The following CFHR4 variants were observed in gnomAD, a reference collection of about 807,000 sequenced individuals.
CFHR4 encodes the protein complement factor H related 4, also known as complement factor H-related protein 4.
Under a neutral mutation model 69.3 loss-of-function variants are expected in CFHR4, and 64 were observed. That is an observed-to-expected ratio of 0.92 (90% CI 0.76 to 1.14). The LOEUF is 1.14. Among genes scored for constraint, CFHR4 ranks in the 50% most tolerant of loss-of-function variants. The pLI, the probability that CFHR4 is intolerant of heterozygous loss-of-function variation, is 0.00. For synonymous variants in CFHR4, 244 were observed against 237.0 expected (o/e 1.03, Z -0.27); for missense variants, 636 against 684.9 (o/e 0.93, Z 0.80).
chr1:196,911,239 G>A (rs1180287955), intron 6 of CFHR4, among the ~76,000 whole-genome samples: 1 of 151,422 alleles, frequency 6.6e-6, no homozygotes, highest in African/African-American at 2.4e-5. Context: ...AAATGTGTCT[G>A]AATACATTTA....
At chr1:196,905,722 G>C (rs372616762) in intron 3 of CFHR4, among the ~76,000 whole-genome samples, 1 of 151,468 alleles carries the variant, frequency 6.6e-6, no homozygotes, top group Admixed American at 6.6e-5. Context: ...GTTTCTGCTA[G>C]CATCAGGAAA....
At chr1:196,905,369 G>A (rs1306625424) in intron 3 of CFHR4, 79 bp downstream of exon 3, 1 of 1,558,998 alleles carries the variant, frequency 6.4e-7, no homozygotes, top group African/African-American at 1.4e-5. Flanking sequence ...TACAGAAAAA[G>A]ATAGAAAACA....
chr1:196,907,690 G>T (rs1657991014), intron 5 of CFHR4, among the ~76,000 whole-genome samples, 192 bp downstream of exon 5: 1 of 151,326 alleles, frequency 6.6e-6, no homozygotes, highest in South Asian at 2.1e-4. Context: ...CAATGACAAA[G>T]TTTCCTTTTA....
At chr1:196,891,332 A>T (rs547936578) in intron 1 of CFHR4, among the ~76,000 whole-genome samples, 1 of 151,652 alleles carries the variant, frequency 6.6e-6, no homozygotes, top group South Asian at 2.1e-4. Context: ...AATCATAAGA[A>T]AATGTAAGAG....
chr1:196,893,531 C>A (rs1657139183), intron 1 of CFHR4, among the ~76,000 whole-genome samples: 1 of 151,520 alleles, frequency 6.6e-6, no homozygotes, highest in South Asian at 2.1e-4. Context: ...CTGCAATTAT[C>A]TTTTGAGTTG....
chr1:196,895,566 A>AT (rs1171872533), intron 1 of CFHR4, among the ~76,000 whole-genome samples: 4 of 149,620 alleles, frequency 2.7e-5, no homozygotes, highest in Non-Finnish European at 5.9e-5. Flanking sequence ...CTCTTTTTTG[A>AT]TTTTTTTCCT....
chr1:196,888,395 G>GA lies in CFHR4; in HGVS notation c.58+193dup, dbSNP rs1005622720. ...ATGAAAAAATATCTCATAATTTAAA[G>GA]AAAAAATGAATAATATTTTCTTTGT... is the stretch of plus-strand genomic sequence containing the variant. On this transcript the variant is annotated intron_variant, in intron 1 of 9. Transcript: ENST00000608469. Among the ~76,000 whole-genome samples the GA allele has an allele frequency of 9.9e-5, 15 of 151,048 alleles. 1 individual carries two copies. Among genetic ancestry groups the GA allele is most frequent in the African/African-American group, 3.2e-4 (13 of 41,094 alleles).
At chr1:196,905,674 A>G (rs1657870234) in intron 3 of CFHR4, among the ~76,000 whole-genome samples, 1 of 151,442 alleles carries the variant, frequency 6.6e-6, no homozygotes, top group African/African-American at 2.4e-5. Flanking sequence ...CACTCTTAAG[A>G]TGTACATGTT....
rs539756329 is a variant in CFHR4, at chr1:196,915,698, G to A, written c.1540+560G>A. On this transcript the variant is annotated intron_variant, in intron 9 of 9. Transcript: ENST00000608469. ...AAACAGAAGAAGAAGAAAAGAAAAA[G>A]AGAAAAAGAAAAAACCAAGAATGTT... 3.5e-4 allele frequency among the ~76,000 whole-genome samples: 53 copies of A among 151,246 alleles called. 1 individual carries two copies. The highest frequency in any genetic ancestry group is 1.3e-3 in the African/African-American group (52 of 41,182).
At chr1:196,907,844 C>T (rs577544383) in intron 5 of CFHR4, among the ~76,000 whole-genome samples, 1 of 151,420 alleles carries the variant, frequency 6.6e-6, no homozygotes, top group East Asian at 1.9e-4. Flanking sequence ...CTTAGGTAAA[C>T]AGTTTTCAAA....
At chr1:196,902,039 C>T (rs1447302090) in intron 1 of CFHR4, among the ~76,000 whole-genome samples, 1 of 151,392 alleles carries the variant, frequency 6.6e-6, no homozygotes, top group Non-Finnish European at 1.5e-5. Flanking sequence ...TACTATCTCC[C>T]ACTCTAGAGT....
In CFHR4 at chr1:196,914,511, T is replaced by G. The variant is rs1345316019; in HGVS notation, c.1197T>G (p.Pro399=). 3 of 1,606,324 alleles carry G rather than the reference T, an allele frequency of 1.9e-6. No homozygotes were observed. The highest frequency in any genetic ancestry group is 2.5e-6 in the Non-Finnish European group (3 of 1,177,122). ...QPICIKFCDM[P]VFENSRAKSN... Reference sequence around the variant, plus strand: ...TTGTTTCAGAATTTTGTGATATGCCTGTTTTTGAGAATTCCAGAGCCAAGA... The same window carrying G: ...TTGTTTCAGAATTTTGTGATATGCCGGTTTTTGAGAATTCCAGAGCCAAGA... The change falls in exon 8 of 10, where the codon CCT becomes CCG. Residue 399 remains proline, a synonymous_variant. Transcript: ENST00000608469.
intron 1 of CFHR4, among the ~76,000 whole-genome samples, chr1:196,890,008 A>G (rs373113004): frequency 6.6e-6 from 1 of 151,680 alleles, no homozygotes. Flanking sequence ...AAGAAAATAA[A>G]TTTCTATGAA....
chr1:196,899,670 T>C (rs1423809393), intron 1 of CFHR4, among the ~76,000 whole-genome samples: 1 of 151,588 alleles, frequency 6.6e-6, no homozygotes, highest in Non-Finnish European at 1.5e-5. Context: ...AACTATAAGG[T>C]AAATAAATAA....
At chr1:196,897,049 G>C (rs938295282) in intron 1 of CFHR4, among the ~76,000 whole-genome samples, 2 of 151,398 alleles carry the variant, frequency 1.3e-5, no homozygotes, top group African/African-American at 4.9e-5. Flanking sequence ...CCATTGAGTC[G>C]TTCTGAGAAG....
Position 196,910,794 on chromosome 1 carries a change from C to T in CFHR4, c.997+316C>T, listed in dbSNP as rs529389903. Among the ~76,000 whole-genome samples the T allele has an allele frequency of 6.6e-5, 10 of 151,556 alleles. 1 individual carries two copies. The highest frequency in any genetic ancestry group is 2.1e-4 in the South Asian group (1 of 4,810). On this transcript the variant is annotated intron_variant, in intron 6 of 9. Transcript: ENST00000608469. ...TAGCTTTAGTTTTCCTTCAGTGATA[C>T]GTCATTTTTGTGTACTGATGCAGTC...
chr1:196,913,166 T>G (rs572096906), intron 7 of CFHR4, among the ~76,000 whole-genome samples: 1 of 151,618 alleles, frequency 6.6e-6, no homozygotes, highest in Non-Finnish European at 1.5e-5. Flanking sequence ...AATCTTATCA[T>G]GTACAGACTA....
chr1:196,917,645 G>A (rs572185851), intron 9 of CFHR4, among the ~76,000 whole-genome samples: 2 of 151,080 alleles, frequency 1.3e-5, no homozygotes, highest in African/African-American at 4.9e-5. Context: ...AGAGATAATT[G>A]ACAGATATTG....
intron 9 of CFHR4, among the ~76,000 whole-genome samples, chr1:196,916,942 A>G (rs1658670927): frequency 6.6e-6 from 1 of 151,628 alleles, no homozygotes; most frequent in Admixed American, 6.6e-5. Flanking sequence ...ATGGCATATT[A>G]AAGCAATGAG....
Sources: allele counts gnomAD v4.1 joint callset (sites outside exome capture counted in the v4.1 genomes callset), GRCh38; gene constraint gnomAD v4.1.1; transcripts MANE v1.5; gene names NCBI Gene and HGNC (gene_info 2026-07-23, HGNC 2026-07-21).